Variants in ARL15 observed in about 807,000 individuals in gnomAD.
ARL15 encodes ARF like GTPase 15, also known as ADP-ribosylation factor-like protein 15.
In ARL15, 19 loss-of-function variants were observed where a neutral mutation model predicts 25.2. The ratio of observed to expected loss-of-function variants is 0.75; its 90% CI spans 0.53 to 1.10. The LOEUF is 1.10. Ranked by LOEUF, ARL15 falls within the 50% of genes least tolerant of loss-of-function variation. The pLI is 0.00. For missense variants in ARL15, 220 were observed against 246.0 expected, an observed-to-expected ratio of 0.89 and a Z score of 0.71; for synonymous variants, 94 against 86.8, an observed-to-expected ratio of 1.08 and a Z score of -0.46.
chr5:53,907,847 A>G (rs1745322119), intron 4 of ARL15, among the ~76,000 whole-genome samples: 1 of 152,008 alleles, frequency 6.6e-6, no homozygotes, highest in South Asian at 2.1e-4. Context: ...TAATAACTGA[A>G]ATATGGAAGA....
chr5:54,218,692 AC>A, intron 1 of ARL15, among the ~76,000 whole-genome samples: 1 of 152,042 alleles, frequency 6.6e-6, no homozygotes, highest in East Asian at 1.9e-4. Context: ...TTCTATACAT[AC>A]CAAAGACGGC....
chr5:54,282,365 T>C (rs1758080120), intron 1 of ARL15: 1 of 985,326 alleles, frequency 1.0e-6, no homozygotes, highest in Admixed American at 6.1e-5. Flanking sequence ...ATAAGAAATG[T>C]TTGTACCAAA....
chr5:54,139,654 A>G (rs1255754631), intron 3 of ARL15, among the ~76,000 whole-genome samples: 2 of 152,144 alleles, frequency 1.3e-5, no homozygotes, highest in African/African-American at 4.8e-5. Flanking sequence ...TTGTACCTCA[A>G]AAGCTACTGA....
chr5:54,113,170 A>G, intron 4 of ARL15, 32 bp downstream of exon 4: 1 of 1,604,328 alleles, frequency 6.2e-7, no homozygotes, highest in Non-Finnish European at 8.5e-7. Context: ...CAAGCAAGGA[A>G]GACAAAGAGT....
chr5:54,094,119 T>A (rs537615997), intron 4 of ARL15, among the ~76,000 whole-genome samples: 1 of 152,262 alleles, frequency 6.6e-6, no homozygotes, highest in South Asian at 2.1e-4. Flanking sequence ...AGTAGACAAA[T>A]TTTTGACATT....
rs547857866 is a variant in ARL15 at position 54,117,484 on chromosome 5, A to C, written c.254-4074T>G. Reference sequence around the variant, plus strand: ...TGTATGAATAATATATTAATAGTGAAAAGATCCTTTTCTTTAATCTCCTGC... The same window carrying C: ...TGTATGAATAATATATTAATAGTGACAAGATCCTTTTCTTTAATCTCCTGC... On this transcript the variant is annotated intron_variant, in intron 3 of 4. Coordinates refer to ENST00000504924, the MANE Select transcript of ARL15 (RefSeq NM_019087.3). Among the ~76,000 whole-genome samples the C allele has an allele frequency of 2.0e-5, 3 of 152,114 alleles. No individual in the cohort carries two copies. In the South Asian group the frequency reaches 6.2e-4, roughly 32 times the overall value.
chr5:54,101,742 A>G (rs944270664), intron 4 of ARL15, among the ~76,000 whole-genome samples: 29 of 152,152 alleles, frequency 1.9e-4, no homozygotes, highest in Non-Finnish European at 4.1e-4. Flanking sequence ...CTTAAAATCT[A>G]TTCTCATTTT....
intron 2 of ARL15, among the ~76,000 whole-genome samples, chr5:54,163,540 C>T (rs1049550121): frequency 2.0e-5 from 3 of 150,612 alleles, no homozygotes; most frequent in Admixed American, 1.3e-4. Context: ...ACTAGTGAAA[C>T]CAACTAGACT....
intron 1 of ARL15, among the ~76,000 whole-genome samples, chr5:54,178,123 A>G (rs963641962): frequency 2.6e-5 from 4 of 152,174 alleles, no homozygotes; most frequent in African/African-American, 9.7e-5. Context: ...TGTCCTACAA[A>G]TATGTGTTAC....
intron 3 of ARL15, among the ~76,000 whole-genome samples, chr5:54,137,656 T>C (rs1753644450): frequency 6.6e-6 from 1 of 152,210 alleles, no homozygotes; most frequent in Non-Finnish European, 1.5e-5. Flanking sequence ...CCTACTAGAT[T>C]TCCTTATCTT....
chr5:54,005,390 A>C (rs1748993878), intron 4 of ARL15, among the ~76,000 whole-genome samples: 1 of 152,122 alleles, frequency 6.6e-6, no homozygotes, highest in South Asian at 2.1e-4. Flanking sequence ...ATAATGGTAG[A>C]GCATATAATA....
intron 4 of ARL15, among the ~76,000 whole-genome samples, chr5:53,941,082 C>T (rs925144855): frequency 6.6e-6 from 1 of 152,098 alleles, no homozygotes; most frequent in African/African-American, 2.4e-5. Context: ...TTTTACCTTA[C>T]AAAATATCAA....
At chr5:54,115,056 C>T (rs997085511) in intron 3 of ARL15, among the ~76,000 whole-genome samples, 1 of 152,160 alleles carries the variant, frequency 6.6e-6, no homozygotes, top group Non-Finnish European at 1.5e-5. Context: ...TGCTCAGTGA[C>T]ATCCTGTTGG....
At chr5:53,909,791 T>C (rs958275818) in intron 4 of ARL15, among the ~76,000 whole-genome samples, 1 of 152,238 alleles carries the variant, frequency 6.6e-6, no homozygotes, top group African/African-American at 2.4e-5. Context: ...GAAATAAAAC[T>C]ACACTGTATG....
chr5:54,071,194 C>G (rs116262965), intron 4 of ARL15, among the ~76,000 whole-genome samples: 2,906 of 151,780 alleles, frequency 0.019, 101 homozygotes, highest in African/African-American at 0.067. Context: ...AAATACATTT[C>G]TTTTGTTTAT....
At chr5:53,952,147 C>G (rs1448930769) in intron 4 of ARL15, among the ~76,000 whole-genome samples, 8 of 151,962 alleles carry the variant, frequency 5.3e-5, no homozygotes, top group Admixed American at 5.2e-4. Flanking sequence ...CCTGTAATCC[C>G]AGCTACTCGG....
intron 4 of ARL15, among the ~76,000 whole-genome samples, chr5:54,042,220 C>G (rs1457466397): frequency 6.6e-6 from 1 of 152,162 alleles, no homozygotes. Flanking sequence ...CCGCCCACCT[C>G]AGCCTCCCAA....
At chr5:54,239,398 G>A (rs1756895218) in intron 1 of ARL15, among the ~76,000 whole-genome samples, 1 of 152,146 alleles carries the variant, frequency 6.6e-6, no homozygotes, top group Non-Finnish European at 1.5e-5. Flanking sequence ...TAGCTAAGAT[G>A]ATACACTTAA....
chr5:54,212,244 C>T (rs1305948671), intron 1 of ARL15, among the ~76,000 whole-genome samples: 2 of 152,132 alleles, frequency 1.3e-5, no homozygotes, highest in Admixed American at 1.3e-4. Context: ...ATGTCAATCC[C>T]TGGTTTAAAC....
Sources: gnomAD v4.1 joint callset for allele counts (sites outside exome capture counted in the v4.1 genomes callset) on GRCh38, gnomAD v4.1.1 for gene constraint, MANE v1.5 for transcripts, NCBI Gene and HGNC (gene_info 2026-07-23, HGNC 2026-07-21) for gene names.